The following ZNF783 variants were observed in gnomAD, a reference collection of about 807,000 sequenced individuals.
ZNF783 encodes the protein zinc finger protein 783, also known as protein ZNF783.
In ZNF783, 25 loss-of-function variants were observed where a neutral mutation model predicts 31.3. The ratio of observed to expected loss-of-function variants is 0.80; its 90% CI spans 0.58 to 1.11. The LOEUF is 1.11. Among genes scored for constraint, ZNF783 ranks in the 50% most tolerant of loss-of-function variants. The pLI, the probability that ZNF783 is intolerant of heterozygous loss-of-function variation, is 0.00. For missense variants in ZNF783, 797 were observed against 760.0 expected (o/e 1.05, Z -0.57); for synonymous variants, 369 against 319.1 (o/e 1.16, Z -1.66).
At position 149,281,867 on chromosome 7, in the gene ZNF783, G is replaced by A. The variant is rs1243826589; in HGVS notation, c.1165G>A (p.Asp389Asn). 15 of 1,500,808 alleles carry A rather than the reference G, an allele frequency of 1.0e-5. No individual in the cohort carries two copies. The highest frequency in any genetic ancestry group is 1.2e-5 in the Non-Finnish European group (14 of 1,133,734). 93.0% of individuals were successfully genotyped at this position (1,500,808 alleles called of 1,614,324 possible). A position where few individuals can be genotyped will look rare whatever the true frequency, so the allele number is the denominator to read the frequency against. Residue 389 changes from aspartate to asparagine, a missense_variant, in exon 6 of 6, where the codon GAC (aspartate) becomes AAC (asparagine). Asp to Asn is a conservative substitution (Grantham distance 23, BLOSUM62 1). Transcript: ENST00000434415. The stretch of plus-strand genomic sequence containing the variant: ...CGGCCGCTCGCCCACCAGCTGCGGG[G>A]ACAGCCAGGCCATGCTGGAGCCGGG... The part of the protein sequence containing the change: ...APGRSPTSCG[D>N]SQAMLEPGEV...
At chr7:149,264,359 T>C (rs1304352068) in intron 1 of ZNF783, among the ~76,000 whole-genome samples, 2 of 152,124 alleles carry the variant, frequency 1.3e-5, no homozygotes, top group Non-Finnish European at 2.9e-5. Context: ...ATACAGAGGA[T>C]GCATATTGAG....
intron 1 of ZNF783, 120 bp downstream of exon 1, chr7:149,262,477 G>C (rs1184468994): frequency 4.7e-6 from 4 of 852,988 alleles, no homozygotes; most frequent in Non-Finnish European, 6.0e-6. Context: ...CAGCCTCCGC[G>C]CTCGTTGCCC....
chr7:149,269,674 TTTA>T (rs771055079), intron 4 of ZNF783, among the ~76,000 whole-genome samples: 1 of 152,116 alleles, frequency 6.6e-6, no homozygotes, highest in African/African-American at 2.4e-5. Context: ...TTTTTTAAAT[TTTA>T]TTATTATTAT....
rs373328802 is a variant in ZNF783, at chr7:149,271,195, T to C, written c.673+3973T>C. On this transcript the variant is annotated intron_variant, in intron 4 of 5. Transcript: ENST00000434415. ...CCTCATGATCTGCCTGCCTCGGCCT[T>C]CCAAAGTGCTGGGATTACAGGCGTG... is the stretch of plus-strand genomic sequence containing the variant. Among the ~76,000 whole-genome samples, 45 of 152,338 alleles carry C rather than the reference T, an allele frequency of 3.0e-4. No individual in the cohort carries two copies. In the East Asian group the frequency reaches 8.3e-3, roughly 28 times the overall value.
rs759119199 is a variant in ZNF783, at chr7:149,283,694, G to T, written c.*1351G>T. The stretch of plus-strand genomic sequence containing the variant: ...GCTCTGGGGCAGAGTTGGGCTAGGA[G>T]ATCTGGGTGAATCCTTTAGTCACAG... On this transcript the variant is annotated 3_prime_UTR_variant, in exon 6 of 6. Coordinates refer to ENST00000434415, the MANE Select transcript of ZNF783 (RefSeq NM_001195220.2). The T allele has an allele frequency of 1.3e-5, 2 of 152,236 alleles. No homozygotes were observed. The highest frequency in any genetic ancestry group is 2.9e-5 in the Non-Finnish European group (2 of 68,068). 9.4% of individuals were successfully genotyped at this position (152,236 alleles called of 1,614,324 possible).
chr7:149,281,874 A>G lies in ZNF783; in HGVS notation c.1172A>G (p.Gln391Arg). 4 of 1,505,552 alleles carry G rather than the reference A, an allele frequency of 2.7e-6. No homozygotes were observed. Among genetic ancestry groups the G allele is most frequent in the Non-Finnish European group, 3.5e-6 (4 of 1,134,658 alleles). 93.3% of individuals were successfully genotyped at this position (1,505,552 alleles called of 1,614,324 possible). A position where few individuals can be genotyped will look rare whatever the true frequency, so the allele number is the denominator to read the frequency against. ...GRSPTSCGDS[Q>R]AMLEPGEVVV... The stretch of plus-strand genomic sequence containing the variant: ...TCGCCCACCAGCTGCGGGGACAGCC[A>G]GGCCATGCTGGAGCCGGGGGAGGTG... Residue 391 changes from glutamine (Q) to arginine (R), a missense_variant, in exon 6 of 6, where the codon CAG becomes CGG. By Grantham distance (43) the Gln-to-Arg change is conservative (BLOSUM62 1). Transcript: ENST00000434415.
chr7:149,272,491 C>G (rs1797229228), intron 4 of ZNF783, among the ~76,000 whole-genome samples: 1 of 152,082 alleles, frequency 6.6e-6, no homozygotes, highest in South Asian at 2.1e-4. Context: ...TTGTAGGATT[C>G]TTTTCAGTGT....
intron 4 of ZNF783, among the ~76,000 whole-genome samples, chr7:149,274,632 T>A (rs1318477243): frequency 6.6e-6 from 1 of 152,216 alleles, no homozygotes; most frequent in Non-Finnish European, 1.5e-5. Flanking sequence ...GCCCAAAGTG[T>A]TGGGATTACA....
chr7:149,262,376 G>A lies in ZNF783; in HGVS notation c.24+19G>A. On this transcript the variant is annotated intron_variant, in intron 1 of 5. Transcript: ENST00000434415. ...TGCCCGGGTAAGCGCCCTCGGCCCCGCGGACGCCCGGAAGGCCCAGGCCGC... is the reference window on the plus strand; with the variant it reads ...TGCCCGGGTAAGCGCCCTCGGCCCCACGGACGCCCGGAAGGCCCAGGCCGC... The A allele has an allele frequency of 7.9e-7, 1 of 1,271,552 alleles. No homozygotes were observed. The highest frequency in any genetic ancestry group is 9.9e-7 in the Non-Finnish European group (1 of 1,010,542). The allele number at this position is 1,271,552 out of a possible 1,614,324, so 78.8% of individuals were successfully genotyped here.
Position 149,276,937 on chromosome 7 carries a change from C to T in ZNF783, c.674-1462C>T, listed in dbSNP as rs186406557. Among the ~76,000 whole-genome samples the T allele has an allele frequency of 2.2e-4, 34 of 152,218 alleles. No individual in the cohort carries two copies. The East Asian group carries it at 5.2e-3, about 23-fold the overall frequency. On this transcript the variant is annotated intron_variant, in intron 4 of 5. Coordinates refer to ENST00000434415, the MANE Select transcript of ZNF783 (RefSeq NM_001195220.2). ...GATCTCGGCTCACTGCAAGCTCCGC[C>T]TCCCGGGTTCATGCCATTCTCCTGC... is the stretch of plus-strand genomic sequence containing the variant.
chr7:149,284,883 C>T lies in ZNF783; in HGVS notation c.*2540C>T, dbSNP rs546125952. 2 of 152,356 alleles carry T rather than the reference C, an allele frequency of 1.3e-5. No individual in the cohort carries two copies. Among genetic ancestry groups the T allele is most frequent in the Admixed American group, 6.5e-5 (1 of 15,310 alleles). 9.4% of individuals were successfully genotyped at this position (152,356 alleles called of 1,614,324 possible). A position where few individuals can be genotyped will look rare whatever the true frequency, so the allele number is the denominator to read the frequency against. On this transcript the variant is annotated 3_prime_UTR_variant, in exon 6 of 6. Transcript: ENST00000434415. ...CTCCCAGCAGGGTCCTCGGTTTCCTCATTTGTGAAATAAATGAGTGGGCCA... is the reference window on the plus strand; with the variant it reads ...CTCCCAGCAGGGTCCTCGGTTTCCTTATTTGTGAAATAAATGAGTGGGCCA...
chr7:149,282,146 T>A lies in ZNF783; in HGVS notation c.1444T>A (p.Phe482Ile). The A allele has an allele frequency of 6.2e-7, 1 of 1,600,472 alleles. No individual in the cohort carries two copies. Among genetic ancestry groups the A allele is most frequent in the Non-Finnish European group, 8.5e-7 (1 of 1,179,460 alleles). Residue 482 changes from phenylalanine to isoleucine, a missense_variant, in exon 6 of 6, where the codon TTC (phenylalanine) becomes ATC (isoleucine). Transcript: ENST00000434415. Reference sequence around the variant, plus strand: ...GGCCTTCCGCCGGCCCTCGGACCTCTTCCGGCACCAGCGCATCCACACCGG... The same window carrying A: ...GGCCTTCCGCCGGCCCTCGGACCTCATCCGGCACCAGCGCATCCACACCGG... ...GKAFRRPSDL[F>I]RHQRIHTGER...
At chr7:149,269,723 G>A (rs1318392994) in intron 4 of ZNF783, among the ~76,000 whole-genome samples, 1 of 152,012 alleles carries the variant, frequency 6.6e-6, no homozygotes. Flanking sequence ...ACAATGTGCA[G>A]GTTTGTTACA....
At chr7:149,281,184 G>T (rs1443260621) in intron 5 of ZNF783, among the ~76,000 whole-genome samples, 1 of 152,238 alleles carries the variant, frequency 6.6e-6, no homozygotes, top group Admixed American at 6.5e-5. Flanking sequence ...GCTGTGCCCA[G>T]GGTCTCTGCT....
At chr7:149,278,362 C>A in intron 4 of ZNF783, 37 bp from the exon 5 acceptor site, 1 of 1,597,944 alleles carries the variant, frequency 6.3e-7, no homozygotes, top group South Asian at 1.1e-5. Flanking sequence ...AGGAGACCTC[C>A]ATGTTGTGCT....
At position 149,281,700 on chromosome 7, in the gene ZNF783, C is replaced by A. The variant is rs765052448; in HGVS notation, c.998C>A (p.Ala333Asp). 1 of 1,493,262 alleles carries A rather than the reference C, an allele frequency of 6.7e-7. No homozygotes were observed. The highest frequency in any genetic ancestry group is 1.4e-5 in the African/African-American group (1 of 70,146). 92.5% of individuals were successfully genotyped at this position (1,493,262 alleles called of 1,614,324 possible). ...GCAGGGGAGCCACGGCCACCGGGGG[C>A]CAGTGGGGAGACGCCCCGAGTCCTC... ...VRAGEPRPPGASGETPRVLSR... is the reference protein window; with the variant it reads ...VRAGEPRPPGDSGETPRVLSR... Residue 333 changes from alanine (A) to aspartate (D), a missense_variant, in exon 6 of 6, where the codon GCC (alanine) becomes GAC (aspartate). Transcript: ENST00000434415.
chr7:149,267,414 A>G (rs1797105597), intron 4 of ZNF783, among the ~76,000 whole-genome samples, 192 bp downstream of exon 4: 1 of 152,206 alleles, frequency 6.6e-6, no homozygotes, highest in South Asian at 2.1e-4. Flanking sequence ...GGGTTTCTAT[A>G]TCTGTCTAAG....
At chr7:149,279,314 TG>T (rs1453444796) in intron 5 of ZNF783, among the ~76,000 whole-genome samples, 3 of 152,256 alleles carry the variant, frequency 2.0e-5, no homozygotes, top group East Asian at 3.8e-4. Context: ...ATTGCAGACC[TG>T]GAACGGTGTC....
chr7:149,267,526 G>A (rs903922178), intron 4 of ZNF783, among the ~76,000 whole-genome samples: 12 of 152,176 alleles, frequency 7.9e-5, no homozygotes, highest in East Asian at 3.8e-4. Context: ...GGCCTGGCGC[G>A]GTGGCTCACG....
Sources: allele counts gnomAD v4.1 joint callset (sites outside exome capture counted in the v4.1 genomes callset), GRCh38; gene constraint gnomAD v4.1.1; transcripts MANE v1.5; gene names NCBI Gene and HGNC (gene_info 2026-07-23, HGNC 2026-07-21).